The following STPG2 variants were observed in gnomAD, a reference collection of about 807,000 sequenced individuals.
STPG2 encodes the protein sperm-tail PG-rich repeat-containing protein 2.
In STPG2, 56 loss-of-function variants were observed where a neutral mutation model predicts 54.2. That is an observed-to-expected ratio of 1.03 (90% CI 0.83 to 1.29). The LOEUF (loss-of-function observed/expected upper bound fraction) is 1.29. Ranked by LOEUF, STPG2 falls within the 50% of genes most tolerant of loss-of-function variation. The probability of loss-of-function intolerance (pLI) is 0.00; values close to 1 mark genes in which losing one functional copy is unlikely to be tolerated. For synonymous variants in STPG2, 200 were observed against 181.8 expected, an observed-to-expected ratio of 1.10 and a Z score of -0.81; for missense variants, 596 against 544.9, an observed-to-expected ratio of 1.09 and a Z score of -0.93.
chr4:97,730,307 A>G (rs1387865554), intron 9 of STPG2, among the ~76,000 whole-genome samples: 2 of 152,206 alleles, frequency 1.3e-5, no homozygotes, highest in African/African-American at 4.8e-5. Context: ...CTTCAGTTGC[A>G]TCCATGTTGC....
At chr4:97,563,693 T>C (rs1210553424) in intron 10 of STPG2, among the ~76,000 whole-genome samples, 1 of 152,222 alleles carries the variant, frequency 6.6e-6, no homozygotes, top group Non-Finnish European at 1.5e-5. Context: ...CATTTCGTTA[T>C]GTACCCAGTA....
At chr4:97,507,049 G>A (rs780548058) in intron 4 of STPG2, among the ~76,000 whole-genome samples, 29 of 151,926 alleles carry the variant, frequency 1.9e-4, no homozygotes, top group Non-Finnish European at 4.1e-4. Context: ...CATAGGACTG[G>A]GTGTGGTAGC....
intron 4 of STPG2, among the ~76,000 whole-genome samples, chr4:97,454,011 C>T (rs894032889): frequency 6.6e-6 from 1 of 152,016 alleles, no homozygotes; most frequent in African/African-American, 2.4e-5. Flanking sequence ...TCCCCAAAGG[C>T]TCCTAGATCT....
At chr4:97,910,209 A>T (rs553358305) in intron 8 of STPG2, among the ~76,000 whole-genome samples, 58 of 152,078 alleles carry the variant, frequency 3.8e-4, no homozygotes, top group Non-Finnish European at 7.8e-4. Context: ...TGCTGCAGAA[A>T]CTCTTGGGCA....
At chr4:98,053,179 T>C (rs1456711542) in intron 5 of STPG2, among the ~76,000 whole-genome samples, 1 of 152,116 alleles carries the variant, frequency 6.6e-6, no homozygotes, top group African/African-American at 2.4e-5. Context: ...CAAAAGGAAT[T>C]TGAAAAAATA....
chr4:97,732,324 T>C (rs1009243714), intron 9 of STPG2, among the ~76,000 whole-genome samples: 1 of 152,186 alleles, frequency 6.6e-6, no homozygotes, highest in African/African-American at 2.4e-5. Context: ...TCAGGTCTTA[T>C]ATTTAAGTCA....
intron 5 of STPG2, among the ~76,000 whole-genome samples, chr4:98,072,234 A>C (rs1738026033): frequency 2.0e-5 from 3 of 152,242 alleles, no homozygotes; most frequent in Admixed American, 1.3e-4. Context: ...CAGCCATAAA[A>C]AGGAACAAGA....
chr4:97,814,054 C>T (rs190522573), intron 9 of STPG2, among the ~76,000 whole-genome samples: 6 of 152,180 alleles, frequency 3.9e-5, no homozygotes, highest in Admixed American at 3.9e-4. Context: ...AATGATAATA[C>T]ACCTAATGAG....
chr4:97,736,574 G>C (rs1725002942), intron 9 of STPG2, among the ~76,000 whole-genome samples: 1 of 152,186 alleles, frequency 6.6e-6, no homozygotes, highest in African/African-American at 2.4e-5. Flanking sequence ...ACCTGGCTCA[G>C]AGGGTCCTAT....
chr4:97,616,847 C>A (rs1012925038), intron 10 of STPG2, among the ~76,000 whole-genome samples: 1 of 151,964 alleles, frequency 6.6e-6, no homozygotes, highest in Admixed American at 6.6e-5. Context: ...CCTCTAAAGA[C>A]CCTTACCAGA....
At chr4:98,038,342 A>C (rs895092116) in intron 5 of STPG2, among the ~76,000 whole-genome samples, 9 of 152,268 alleles carry the variant, frequency 5.9e-5, no homozygotes, top group African/African-American at 2.2e-4. Context: ...AGTTAAAAAT[A>C]GTGTGGTATT....
chr4:97,803,971 G>T (rs1727476181), intron 9 of STPG2, among the ~76,000 whole-genome samples: 2 of 152,196 alleles, frequency 1.3e-5, no homozygotes, highest in South Asian at 4.1e-4. Context: ...GCAGTCACTG[G>T]TTGGGAGGCT....
chr4:98,114,677 G>A (rs1308520149), intron 3 of STPG2, among the ~76,000 whole-genome samples: 4 of 151,630 alleles, frequency 2.6e-5, no homozygotes, highest in African/African-American at 9.7e-5. Flanking sequence ...AATTCTAATA[G>A]TAATCCAGTA....
At chr4:97,459,324 T>A (rs1175433233) in intron 4 of STPG2, among the ~76,000 whole-genome samples, 1 of 152,098 alleles carries the variant, frequency 6.6e-6, no homozygotes, top group Non-Finnish European at 1.5e-5. Context: ...TTTCTAGACA[T>A]TCAAGTGGTC....
chr4:97,629,409 G>A (rs1190350921), intron 10 of STPG2, among the ~76,000 whole-genome samples: 10 of 152,110 alleles, frequency 6.6e-5, no homozygotes, highest in South Asian at 2.1e-4. Context: ...GTGCGTGCAC[G>A]CACTATAGGA....
At chr4:97,679,058 C>A (rs1722943901) in intron 10 of STPG2, among the ~76,000 whole-genome samples, 1 of 152,082 alleles carries the variant, frequency 6.6e-6, no homozygotes, top group South Asian at 2.1e-4. Flanking sequence ...CAAGTCTTTG[C>A]TATTGTGAAT....
At position 97,887,260 on chromosome 4, in the gene STPG2, C is replaced by A. The variant is rs565613136; in HGVS notation, c.1045-46328G>T. The stretch of plus-strand genomic sequence containing the variant: ...AGAGTGTGAAGGGCTCACAAGGAGA[C>A]AGGAAGATGAGGGAAATTTTAGAAA... On this transcript the variant is annotated intron_variant, in intron 8 of 10. Transcript: ENST00000295268. 3.3e-5 allele frequency among the ~76,000 whole-genome samples: 5 copies of A among 152,190 alleles called. No homozygotes were observed. In the South Asian group the frequency reaches 1.0e-3, roughly 32 times the overall value.
At chr4:97,805,105 A>T (rs1727513349) in intron 9 of STPG2, among the ~76,000 whole-genome samples, 1 of 152,208 alleles carries the variant, frequency 6.6e-6, no homozygotes, top group Non-Finnish European at 1.5e-5. Flanking sequence ...AAATTCTTCC[A>T]GTAAATATAA....
chr4:98,102,822 A>G (rs1042337308), intron 5 of STPG2, among the ~76,000 whole-genome samples: 1 of 127,072 alleles, frequency 7.9e-6, no homozygotes, highest in African/African-American at 3.0e-5. Context: ...AATATATATA[A>G]CATATATTAA....
Sources: allele counts gnomAD v4.1 joint callset (sites outside exome capture counted in the v4.1 genomes callset), GRCh38; gene constraint gnomAD v4.1.1; transcripts MANE v1.5; gene names NCBI Gene and HGNC (gene_info 2026-07-23, HGNC 2026-07-21).